Variants in PLD5 observed in about 807,000 individuals in gnomAD.
PLD5 encodes the protein phospholipase D family member 5, also known as inactive phospholipase D5.
A neutral mutation model predicts 61.1 loss-of-function variants in PLD5; 36 were observed. The observed-to-expected ratio is 0.59, with a 90% CI of 0.45 to 0.78. The LOEUF (loss-of-function observed/expected upper bound fraction) is 0.78. PLD5 is among the 30% of genes least tolerant of loss of function. The pLI, the probability that PLD5 is intolerant of heterozygous loss-of-function variation, is 0.00. For missense variants in PLD5, 515 were observed against 644.4 expected, an observed-to-expected ratio of 0.80 and a Z score of 2.17; for synonymous variants, 243 against 242.8, an observed-to-expected ratio of 1.00 and a Z score of -0.01.
rs577002343 is a variant in PLD5, at chr1:242,314,874, A to G, written c.327-26344T>C. ...CTTTGTTAGCCCCTATTGTATGCCAACTGATAGAAAGCTGCATTTTTACAT... is the reference window on the plus strand; with the variant it reads ...CTTTGTTAGCCCCTATTGTATGCCAGCTGATAGAAAGCTGCATTTTTACAT... On this transcript the variant is annotated intron_variant, in intron 2 of 9. Coordinates refer to ENST00000536534, the MANE Select transcript of PLD5 (RefSeq NM_001372062.1). Among the ~76,000 whole-genome samples, 88 of 152,202 alleles carry G rather than the reference A, an allele frequency of 5.8e-4. 1 individual carries two copies. The highest frequency in any genetic ancestry group is 2.0e-3 in the African/African-American group (83 of 41,522).
In PLD5 at chr1:242,250,577, TC is replaced by T. The variant is rs1362397035; in HGVS notation, c.607+14759del. ...TTACTTAATTACACTTAAATTTAAA[TC>T]GATACATTCTTAGCTTTGCTCCAAG... On this transcript the variant is annotated intron_variant, in intron 4 of 9. Coordinates refer to ENST00000536534, the MANE Select transcript of PLD5 (RefSeq NM_001372062.1). 5.9e-5 allele frequency among the ~76,000 whole-genome samples: 9 copies of T among 152,350 alleles called. No individual in the cohort carries two copies. In the South Asian group the frequency reaches 1.0e-3, roughly 18 times the overall value.
chr1:242,322,553 A>G (rs1658486429), intron 2 of PLD5, among the ~76,000 whole-genome samples: 1 of 151,988 alleles, frequency 6.6e-6, no homozygotes, highest in Non-Finnish European at 1.5e-5. Context: ...CTGTGTCCCC[A>G]CCCAAATCTC....
chr1:242,282,949 C>T (rs1366053393), intron 3 of PLD5, among the ~76,000 whole-genome samples: 6 of 152,094 alleles, frequency 3.9e-5, no homozygotes, highest in African/African-American at 7.2e-5. Context: ...GGCTGTGATA[C>T]GGAGTAAGGG....
chr1:242,242,850 C>T (rs1672144689), intron 4 of PLD5, among the ~76,000 whole-genome samples: 1 of 152,088 alleles, frequency 6.6e-6, no homozygotes, highest in Admixed American at 6.6e-5. Context: ...ATATTATTAT[C>T]CTCTAATTTG....
chr1:242,465,079 A>G (rs182237119), intron 1 of PLD5, among the ~76,000 whole-genome samples: 2 of 151,928 alleles, frequency 1.3e-5, no homozygotes, highest in Non-Finnish European at 2.9e-5. Context: ...AATAGAAGTG[A>G]TCACATCATC....
chr1:242,096,673 A>G, intron 9 of PLD5, among the ~76,000 whole-genome samples: 1 of 141,234 alleles, frequency 7.1e-6, no homozygotes, highest in Admixed American at 7.0e-5. Context: ...GTTTGTTTTA[A>G]GTCTTTTTTG....
At chr1:242,282,443 T>C (rs10803033) in intron 3 of PLD5, among the ~76,000 whole-genome samples, 147,618 of 152,208 alleles carry the variant, frequency 0.97, 71,667 homozygotes, top group Middle Eastern at 0.99. Context: ...AAACAACCTC[T>C]TGGATCACCG....
chr1:242,312,623 C>G, intron 2 of PLD5, among the ~76,000 whole-genome samples: 1 of 152,194 alleles, frequency 6.6e-6, no homozygotes, highest in Admixed American at 6.5e-5. Context: ...CAAACTGTGC[C>G]ACTTTTAGCT....
At chr1:242,519,828 C>A (rs1669223202) in intron 1 of PLD5, among the ~76,000 whole-genome samples, 1 of 152,184 alleles carries the variant, frequency 6.6e-6, no homozygotes, top group South Asian at 2.1e-4. Flanking sequence ...GACCAAAGGA[C>A]CACTCACTTA....
At position 242,227,430 on chromosome 1, in the gene PLD5, T is replaced by C. The variant is rs996941485; in HGVS notation, c.608-7315A>G. Among the ~76,000 whole-genome samples the C allele has an allele frequency of 8.5e-5, 13 of 152,272 alleles. No individual in the cohort carries two copies. In the East Asian group the frequency reaches 1.4e-3, roughly 16 times the overall value. On this transcript the variant is annotated intron_variant, in intron 4 of 9. Coordinates refer to ENST00000536534, the MANE Select transcript of PLD5 (RefSeq NM_001372062.1). ...CCCAGGCTGGGGTGCAGTGGTGCGATCTTGGCTCATTGCAACCTCTGCCTC... is the reference window on the plus strand; with the variant it reads ...CCCAGGCTGGGGTGCAGTGGTGCGACCTTGGCTCATTGCAACCTCTGCCTC...
chr1:242,115,034 C>T (rs1195815717), intron 6 of PLD5, among the ~76,000 whole-genome samples: 1 of 151,832 alleles, frequency 6.6e-6, no homozygotes, highest in Non-Finnish European at 1.5e-5. Context: ...AAAAATTAGC[C>T]AGGCGTGGTG....
intron 1 of PLD5, among the ~76,000 whole-genome samples, chr1:242,508,310 C>G (rs1205949701): frequency 6.6e-6 from 1 of 151,774 alleles, no homozygotes; most frequent in Non-Finnish European, 1.5e-5. Context: ...GAGGTAGAGG[C>G]TGCAGTGAGC....
intron 1 of PLD5, among the ~76,000 whole-genome samples, chr1:242,481,835 C>T (rs926081908): frequency 5.9e-5 from 9 of 152,182 alleles, no homozygotes; most frequent in East Asian, 1.9e-4. Context: ...ACACCTCACA[C>T]GGCCAGGTAC....
chr1:242,152,772 T>A lies in PLD5; in HGVS notation c.736-28107A>T, dbSNP rs1665031573. Among the ~76,000 whole-genome samples, 3 of 152,284 alleles carry A rather than the reference T, an allele frequency of 2.0e-5. No individual in the cohort carries two copies. In the South Asian group the frequency reaches 6.2e-4, roughly 32 times the overall value. ...AGTCTATCACTGATGGACATTTGGGTTGGTTCCAAGTCTTTGTTATGGTGA... is the reference window on the plus strand; with the variant it reads ...AGTCTATCACTGATGGACATTTGGGATGGTTCCAAGTCTTTGTTATGGTGA... On this transcript the variant is annotated intron_variant, in intron 5 of 9. Transcript: ENST00000536534.
intron 4 of PLD5, among the ~76,000 whole-genome samples, chr1:242,239,203 T>C (rs1480047155): frequency 6.6e-6 from 1 of 152,188 alleles, no homozygotes; most frequent in Middle Eastern, 3.2e-3. Flanking sequence ...GCACATGCTG[T>C]AGAATCTCTG....
intron 1 of PLD5, among the ~76,000 whole-genome samples, chr1:242,381,536 A>G (rs1662280413): frequency 6.6e-6 from 1 of 152,200 alleles, no homozygotes; most frequent in Non-Finnish European, 1.5e-5. Flanking sequence ...CTGGACATGT[A>G]CCCTGGAACT....
rs1664902890 is a variant in PLD5, at chr1:242,151,210, A to T, written c.736-26545T>A. 2.6e-5 allele frequency among the ~76,000 whole-genome samples: 4 copies of T among 152,118 alleles called. No individual in the cohort carries two copies. In the South Asian group the frequency reaches 8.3e-4, roughly 31 times the overall value. On this transcript the variant is annotated intron_variant, in intron 5 of 9. Transcript: ENST00000536534. ...GGTTATCTTTTATAACAATTAAAAT[A>T]AAAATATTTACTTTCATTTATTCTG...
At chr1:242,416,141 A>G (rs1297071494) in intron 1 of PLD5, among the ~76,000 whole-genome samples, 1 of 151,768 alleles carries the variant, frequency 6.6e-6, no homozygotes, top group South Asian at 2.1e-4. Flanking sequence ...GGGTTGAGCA[A>G]AAAAAAATTA....
At chr1:242,393,628 G>GTA (rs1258492345) in intron 1 of PLD5, among the ~76,000 whole-genome samples, 1 of 72,558 alleles carries the variant, frequency 1.4e-5, no homozygotes, top group African/African-American at 5.5e-5. Flanking sequence ...ATATATATGA[G>GTA]TATATATATG....
Sources: allele counts gnomAD v4.1 joint callset (sites outside exome capture counted in the v4.1 genomes callset), GRCh38; gene constraint gnomAD v4.1.1; transcripts MANE v1.5; gene names NCBI Gene and HGNC (gene_info 2026-07-23, HGNC 2026-07-21).